KIRREL3: variants seen among roughly 807,000 people sequenced by gnomAD.
KIRREL3 encodes the protein kin of IRRE-like protein 3.
In KIRREL3, 36 loss-of-function variants were observed where a neutral mutation model predicts 89.7. The ratio of observed to expected loss-of-function variants is 0.40; its 90% CI spans 0.31 to 0.53. The LOEUF is 0.53. KIRREL3 is among the 20% of genes least tolerant of loss of function. The pLI, the probability that KIRREL3 is intolerant of heterozygous loss-of-function variation, is 0.49. For synonymous variants in KIRREL3, 445 were observed against 441.4 expected, an observed-to-expected ratio of 1.01 and a Z score of -0.10; for missense variants, 864 against 1,056.6, an observed-to-expected ratio of 0.82 and a Z score of 2.53.
rs548407070 is a variant in KIRREL3 at position 126,805,623 on chromosome 11, C to T, written c.55+194832G>A. On this transcript the variant is annotated intron_variant, in intron 1 of 16. Transcript: ENST00000525144. This position sits in a 1 kb window ranked among gnomAD's most constrained non-coding sequence, Gnocchi z 4.3. ...CTCTATCATCTTGTCACCTGAAGAACATTTATTTTCAGGGTGATTGCTAAA... is the reference window on the plus strand; with the variant it reads ...CTCTATCATCTTGTCACCTGAAGAATATTTATTTTCAGGGTGATTGCTAAA... Among the ~76,000 whole-genome samples the T allele has an allele frequency of 6.6e-6, 1 of 152,224 alleles. No homozygotes were observed. The highest frequency in any genetic ancestry group is 2.4e-5 in the African/African-American group (1 of 41,528).
At position 126,551,249 on chromosome 11, in the gene KIRREL3, T is replaced by C. The variant is rs1028828463; in HGVS notation, c.133+11586A>G. 6.6e-6 allele frequency among the ~76,000 whole-genome samples: 1 copy of C among 152,050 alleles called. No homozygotes were observed. The highest frequency in any genetic ancestry group is 1.5e-5 in the Non-Finnish European group (1 of 68,004). ...TTTGGGTTTTCATGGAAGCATTCCT[T>C]CCCCTAGGGTGTGAGGCGGGACTCT... On this transcript the variant is annotated intron_variant, in intron 2 of 16. Coordinates refer to ENST00000525144, the MANE Select transcript of KIRREL3 (RefSeq NM_032531.4). The surrounding 1 kb of genome is among the most constrained non-coding windows in gnomAD (Gnocchi z 4.9).
At chr11:126,619,948 A>G (rs1943511514) in intron 1 of KIRREL3, among the ~76,000 whole-genome samples, 1 of 152,076 alleles carries the variant, frequency 6.6e-6, no homozygotes, top group South Asian at 2.1e-4. Flanking sequence ...TTGACCAATT[A>G]GTGATCCCCT....
Position 126,876,252 on chromosome 11 carries a change from C to T in KIRREL3, c.55+124203G>A, listed in dbSNP as rs117671893. ...ACCAAGATTTGCTGCGGCTGACCTG[C>T]AGAGGTGCTGTTCAGGAAGAAACAG... On this transcript the variant is annotated intron_variant, in intron 1 of 16. Coordinates refer to ENST00000525144, the MANE Select transcript of KIRREL3 (RefSeq NM_032531.4). This position sits in a 1 kb window ranked among gnomAD's most constrained non-coding sequence, Gnocchi z 4.1. 9.5e-3 allele frequency among the ~76,000 whole-genome samples: 1,449 copies of T among 152,316 alleles called. 16 individuals are homozygous for T. Among genetic ancestry groups the T allele is most frequent in the Non-Finnish European group, 0.016 (1,075 of 68,028 alleles).
chr11:126,907,101 T>C (rs1362456447), intron 1 of KIRREL3, among the ~76,000 whole-genome samples: 2 of 152,126 alleles, frequency 1.3e-5, no homozygotes, highest in South Asian at 2.1e-4. Context: ...AGTGGTACCA[T>C]TGTCAGAATA....
At chr11:126,942,441 A>C (rs1366708584) in intron 1 of KIRREL3, among the ~76,000 whole-genome samples, 1 of 152,158 alleles carries the variant, frequency 6.6e-6, no homozygotes, top group Non-Finnish European at 1.5e-5. Flanking sequence ...TGACCTCAGA[A>C]ACCTGGCTAA....
In KIRREL3 at chr11:126,576,351, T is replaced by C. The variant is rs1404081719; in HGVS notation, c.56-13439A>G. On this transcript the variant is annotated intron_variant, in intron 1 of 16. Transcript: ENST00000525144. This position sits in a 1 kb window ranked among gnomAD's most constrained non-coding sequence, Gnocchi z 5.4. The stretch of plus-strand genomic sequence containing the variant: ...TTTTATCTTTGAGTTTATTCTAATT[T>C]CATTCATTCATTCTCATTCATTCAT... Among the ~76,000 whole-genome samples, 1 of 152,008 alleles carries C rather than the reference T, an allele frequency of 6.6e-6. No individual in the cohort carries two copies. Among genetic ancestry groups the C allele is most frequent in the African/African-American group, 2.4e-5 (1 of 41,320 alleles).
intron 1 of KIRREL3, among the ~76,000 whole-genome samples, chr11:126,712,431 A>T (rs1263135611): frequency 6.6e-5 from 10 of 152,190 alleles, no homozygotes; most frequent in Admixed American, 3.3e-4. Flanking sequence ...GCGAAAGGCC[A>T]CGCCTCTTCA....
intron 4 of KIRREL3, among the ~76,000 whole-genome samples, chr11:126,493,545 C>T (rs996448649): frequency 6.7e-6 from 1 of 148,498 alleles, no homozygotes; most frequent in Non-Finnish European, 1.5e-5. Flanking sequence ...GTCCCAGCTA[C>T]TTGGGAGGCT....
chr11:126,644,986 C>T (rs1467073500), intron 1 of KIRREL3, among the ~76,000 whole-genome samples: 1 of 152,086 alleles, frequency 6.6e-6, no homozygotes, highest in Non-Finnish European at 1.5e-5. Context: ...AAATCTATGC[C>T]CTGGAAGAGG....
rs1003208571 is a variant in KIRREL3 at position 126,830,165 on chromosome 11, G to T, written c.55+170290C>A. Among the ~76,000 whole-genome samples the T allele has an allele frequency of 6.6e-6, 1 of 152,136 alleles. No individual in the cohort carries two copies. The highest frequency in any genetic ancestry group is 1.5e-5 in the Non-Finnish European group (1 of 68,022). On this transcript the variant is annotated intron_variant, in intron 1 of 16. Coordinates refer to ENST00000525144, the MANE Select transcript of KIRREL3 (RefSeq NM_032531.4). This position sits in a 1 kb window ranked among gnomAD's most constrained non-coding sequence, Gnocchi z 4.9. ...GCTGGCTTACCTGGAAGTTGTTCAT[G>T]AATGAACAACCCTTGCTAATCACTC...
At chr11:126,577,688 G>A (rs1941330000) in intron 1 of KIRREL3, among the ~76,000 whole-genome samples, 1 of 151,774 alleles carries the variant, frequency 6.6e-6, no homozygotes, top group South Asian at 2.1e-4. Flanking sequence ...CTTGAACCCG[G>A]GAAGCGGAGG....
At chr11:126,592,079 A>G (rs928430213) in intron 1 of KIRREL3, among the ~76,000 whole-genome samples, 4 of 152,146 alleles carry the variant, frequency 2.6e-5, no homozygotes, top group Admixed American at 2.0e-4. Flanking sequence ...TCACAGCCCT[A>G]GGTGGGCCAG....
chr11:126,718,647 G>A (rs1283600946), intron 1 of KIRREL3, among the ~76,000 whole-genome samples: 1 of 152,212 alleles, frequency 6.6e-6, no homozygotes, highest in African/African-American at 2.4e-5. Flanking sequence ...TAAGTGCTGT[G>A]CTTTACACAT....
In KIRREL3 at chr11:126,773,675, A is replaced by ATGTG. The variant is rs139421887; in HGVS notation, c.56-210767_56-210764dup. Among the ~76,000 whole-genome samples the ATGTG allele has an allele frequency of 1.3e-5, 2 of 150,768 alleles. No homozygotes were observed. Among genetic ancestry groups the ATGTG allele is most frequent in the South Asian group, 2.2e-4 (1 of 4,560 alleles). On this transcript the variant is annotated intron_variant, in intron 1 of 16. Coordinates refer to ENST00000525144, the MANE Select transcript of KIRREL3 (RefSeq NM_032531.4). The surrounding 1 kb of genome is among the most constrained non-coding windows in gnomAD (Gnocchi z 4.2). ...ATAGGAAGAACATCAAGCTGTATGTATGTGTGTGTGTGTGTGTTTGTGTGT... is the reference window on the plus strand; with the variant it reads ...ATAGGAAGAACATCAAGCTGTATGTATGTGTGTGTGTGTGTGTGTGTTTGTGTGT...
intron 1 of KIRREL3, among the ~76,000 whole-genome samples, chr11:126,758,667 G>A (rs148907860): frequency 2.4e-4 from 37 of 152,286 alleles, no homozygotes; most frequent in African/African-American, 7.7e-4. Context: ...AATCACTTAC[G>A]AACATCTAAA....
Position 126,903,927 on chromosome 11 carries a change from A to T in KIRREL3, c.55+96528T>A, listed in dbSNP as rs1474936126. On this transcript the variant is annotated intron_variant, in intron 1 of 16. Transcript: ENST00000525144. This position sits in a 1 kb window ranked among gnomAD's most constrained non-coding sequence, Gnocchi z 4.5. ...GCTTCAGGTGCCCAACAATGAAAGT[A>T]ATCCCTTGGTTCACCCTGGAACAGA... Among the ~76,000 whole-genome samples, 1 of 152,192 alleles carries T rather than the reference A, an allele frequency of 6.6e-6. No homozygotes were observed. Among genetic ancestry groups the T allele is most frequent in the African/African-American group, 2.4e-5 (1 of 41,450 alleles).
intron 1 of KIRREL3, among the ~76,000 whole-genome samples, chr11:126,671,702 A>C (rs1565637380): frequency 6.6e-6 from 1 of 151,872 alleles, no homozygotes; most frequent in South Asian, 2.1e-4. Context: ...ATCTGTCATT[A>C]GGGAAATGCA....
intron 7 of KIRREL3, among the ~76,000 whole-genome samples, chr11:126,456,066 T>C (rs1956334484): frequency 7.3e-6 from 1 of 136,556 alleles, no homozygotes; most frequent in Non-Finnish European, 1.5e-5. Context: ...TTCCTGAGCC[T>C]TTTCCCCATG....
rs1945575402 is a variant in KIRREL3 at position 126,664,697 on chromosome 11, G to A, written c.56-101785C>T. Among the ~76,000 whole-genome samples, 1 of 152,194 alleles carries A rather than the reference G, an allele frequency of 6.6e-6. No homozygotes were observed. Among genetic ancestry groups the A allele is most frequent in the African/African-American group, 2.4e-5 (1 of 41,444 alleles). ...GATGGCCACTGTTGCTCTCTGGGCTGTGGGACATCTAGGAAGCTGATGTCC... is the reference window on the plus strand; with the variant it reads ...GATGGCCACTGTTGCTCTCTGGGCTATGGGACATCTAGGAAGCTGATGTCC... On this transcript the variant is annotated intron_variant, in intron 1 of 16. Transcript: ENST00000525144. This position sits in a 1 kb window ranked among gnomAD's most constrained non-coding sequence, Gnocchi z 5.4.
Sources: gnomAD v4.1 joint callset for allele counts (sites outside exome capture counted in the v4.1 genomes callset) on GRCh38, gnomAD v4.1.1 for gene constraint, Gnocchi (gnomAD v3.1) non-coding constraint, MANE v1.5 for transcripts, NCBI Gene and HGNC (gene_info 2026-07-23, HGNC 2026-07-21) for gene names.